KCNB2: variants seen among roughly 807,000 people sequenced by gnomAD.
KCNB2 encodes potassium voltage-gated channel subfamily B member 2.
KCNB2 carries 15 observed loss-of-function variants against 61.5 expected under a neutral mutation model. The observed-to-expected ratio is 0.24, with a 90% CI of 0.16 to 0.38. The LOEUF (loss-of-function observed/expected upper bound fraction) is 0.38. KCNB2 is among the 10% of genes least tolerant of loss of function. The probability of loss-of-function intolerance (pLI) is 1.00; values close to 1 mark genes in which losing one functional copy is unlikely to be tolerated. For synonymous variants in KCNB2, 457 were observed against 446.0 expected (o/e 1.02, Z -0.31); for missense variants, 828 against 1,125.2 (o/e 0.74, Z 3.78).
At chr8:72,873,523 T>C (rs1231036488) in intron 2 of KCNB2, among the ~76,000 whole-genome samples, 1 of 152,224 alleles carries the variant, frequency 6.6e-6, no homozygotes, top group Non-Finnish European at 1.5e-5. Flanking sequence ...GTGATGTACA[T>C]GAAAGTGCCT....
At chr8:72,812,573 C>G (rs373395594) in intron 2 of KCNB2, among the ~76,000 whole-genome samples, 9 of 152,076 alleles carry the variant, frequency 5.9e-5, no homozygotes, top group South Asian at 2.1e-4. Flanking sequence ...TCAATTCTTA[C>G]TTTAAATCAT....
At chr8:72,641,543 A>G (rs1806055502) in intron 2 of KCNB2, among the ~76,000 whole-genome samples, 1 of 152,078 alleles carries the variant, frequency 6.6e-6, no homozygotes, top group Non-Finnish European at 1.5e-5. Flanking sequence ...AATTAATGAA[A>G]CTAGATAACT....
intron 2 of KCNB2, among the ~76,000 whole-genome samples, chr8:72,721,798 A>G (rs1025089764): frequency 6.6e-6 from 1 of 152,162 alleles, no homozygotes; most frequent in Non-Finnish European, 1.5e-5. Flanking sequence ...AAAAGCAAAC[A>G]TGCACCTTCC....
At position 72,645,094 on chromosome 8, in the gene KCNB2, A is replaced by C. The variant is rs1022781761; in HGVS notation, c.579+76781A>C. ...TGGAATATAATTGAGCCACAGCTCC[A>C]TGATGCAGTCCATTGCCAATGAGCA... On this transcript the variant is annotated intron_variant, in intron 2 of 2. Transcript: ENST00000523207. 9.9e-5 allele frequency among the ~76,000 whole-genome samples: 15 copies of C among 152,274 alleles called. No individual in the cohort carries two copies. The Middle Eastern group carries it at 0.017, about 173-fold the overall frequency.
Position 72,759,458 on chromosome 8 carries a change from A to G in KCNB2, c.580-176477A>G, listed in dbSNP as rs373367428. 3.3e-5 allele frequency among the ~76,000 whole-genome samples: 5 copies of G among 152,286 alleles called. No individual in the cohort carries two copies. In the East Asian group the frequency reaches 5.8e-4, roughly 18 times the overall value. Reference sequence around the variant, plus strand: ...TTAATAGGTGGCCATCAGAATTAAAATTTGGTTCTCTGCTCCAACTCTGCT... The same window carrying G: ...TTAATAGGTGGCCATCAGAATTAAAGTTTGGTTCTCTGCTCCAACTCTGCT... On this transcript the variant is annotated intron_variant, in intron 2 of 2. Coordinates refer to ENST00000523207, the MANE Select transcript of KCNB2 (RefSeq NM_004770.3).
intron 2 of KCNB2, among the ~76,000 whole-genome samples, chr8:72,599,721 ATC>A (rs1289931563): frequency 6.6e-6 from 1 of 152,198 alleles, no homozygotes; most frequent in East Asian, 1.9e-4. Flanking sequence ...AATATCCAGA[ATC>A]TACAAAGAAC....
intron 1 of KCNB2, among the ~76,000 whole-genome samples, chr8:72,540,053 C>T (rs1267884719): frequency 3.9e-5 from 6 of 152,174 alleles, no homozygotes; most frequent in Non-Finnish European, 8.8e-5. Flanking sequence ...TGCAAGTCTG[C>T]AGAGCATCTT....
At chr8:72,825,812 C>T (rs528249570) in intron 2 of KCNB2, among the ~76,000 whole-genome samples, 1 of 152,312 alleles carries the variant, frequency 6.6e-6, no homozygotes, top group South Asian at 2.1e-4. Flanking sequence ...TTATCACACA[C>T]ATGATTTGCT....
At chr8:72,666,273 C>A (rs1806470522) in intron 2 of KCNB2, among the ~76,000 whole-genome samples, 1 of 152,166 alleles carries the variant, frequency 6.6e-6, no homozygotes, top group Admixed American at 6.5e-5. Context: ...ATACCATCTG[C>A]CTACATGAGC....
chr8:72,722,319 G>A (rs1172005088), intron 2 of KCNB2, among the ~76,000 whole-genome samples: 1 of 152,164 alleles, frequency 6.6e-6, no homozygotes, highest in East Asian at 1.9e-4. Context: ...CTTTCAAATG[G>A]TTGGATGGCT....
intron 2 of KCNB2, among the ~76,000 whole-genome samples, chr8:72,714,305 G>C (rs1219213533): frequency 2.0e-5 from 3 of 152,124 alleles, no homozygotes; most frequent in Admixed American, 2.0e-4. Context: ...AGGAAATACA[G>C]AGAATGCCAC....
intron 2 of KCNB2, among the ~76,000 whole-genome samples, chr8:72,735,160 A>C (rs73309902): frequency 6.6e-6 from 1 of 152,094 alleles, no homozygotes; most frequent in Admixed American, 6.6e-5. Flanking sequence ...AGACTCCCCA[A>C]TCCACCGTCT....
rs1362201207 is a variant in KCNB2, at chr8:72,567,951, C to T, written c.217C>T (p.Leu73Phe). The change falls in exon 2 of 3, where the codon CTC becomes TTC. Residue 73 changes from leucine (L) to phenylalanine (F), a missense_variant. By Grantham distance (22) the Leu-to-Phe change is conservative (BLOSUM62 0). Coordinates refer to ENST00000523207, the MANE Select transcript of KCNB2 (RefSeq NM_004770.3). Reference protein sequence around the residue: ...KLRDCNTHESLLEVCDDYNLN... With the variant: ...KLRDCNTHESFLEVCDDYNLN... ...TCGAGACTGCAACACACACGAGAGC[C>T]TCCTGGAAGTGTGCGACGACTATAA... The T allele has an allele frequency of 1.2e-6, 2 of 1,613,904 alleles. No homozygotes were observed. Among genetic ancestry groups the T allele is most frequent in the Middle Eastern group, 1.7e-4 (1 of 6,058 alleles).
chr8:72,682,504 T>A (rs1473561166), intron 2 of KCNB2, among the ~76,000 whole-genome samples: 1 of 151,840 alleles, frequency 6.6e-6, no homozygotes, highest in African/African-American at 2.4e-5. Flanking sequence ...CATATTTGAT[T>A]GGGGCTCTTT....
rs760922089 is a variant in KCNB2 at position 72,937,532 on chromosome 8, C to T, written c.2177C>T (p.Ala726Val). 6.2e-7 allele frequency: 1 copy of T among 1,613,874 alleles called. No individual in the cohort carries two copies. Among genetic ancestry groups the T allele is most frequent in the African/African-American group, 1.3e-5 (1 of 75,006 alleles). ...KVNFKENRGSAPQTPPSTARP... is the reference protein window; with the variant it reads ...KVNFKENRGSVPQTPPSTARP... ...AACTTTAAGGAAAATAGAGGCAGTG[C>T]ACCACAGACCCCGCCCAGCACAGCC... The change falls in exon 3 of 3, where the codon GCA becomes GTA. Residue 726 changes from alanine to valine, a missense_variant. Ala to Val is a moderately conservative substitution (Grantham distance 64). Coordinates refer to ENST00000523207, the MANE Select transcript of KCNB2 (RefSeq NM_004770.3).
At position 72,706,021 on chromosome 8, in the gene KCNB2, C is replaced by T. The variant is rs192643088; in HGVS notation, c.579+137708C>T. 8.3e-4 allele frequency among the ~76,000 whole-genome samples: 126 copies of T among 152,292 alleles called. 1 individual carries two copies. The highest frequency in any genetic ancestry group is 3.1e-3 in the Admixed American group (47 of 15,304). On this transcript the variant is annotated intron_variant, in intron 2 of 2. Transcript: ENST00000523207. ...AGGCCCATTCCTAGATCTGAGGCTC[C>T]TCTATTAGAAGGAGCCAACAGCAGA...
At chr8:72,611,958 A>C (rs112123828) in intron 2 of KCNB2, among the ~76,000 whole-genome samples, 1 of 152,128 alleles carries the variant, frequency 6.6e-6, no homozygotes, top group East Asian at 1.9e-4. Flanking sequence ...GAAACATGTT[A>C]AAAAAATCCT....
chr8:72,627,798 A>T (rs62518087), intron 2 of KCNB2, among the ~76,000 whole-genome samples: 5 of 152,350 alleles, frequency 3.3e-5, no homozygotes, highest in Non-Finnish European at 7.3e-5. Flanking sequence ...CAGCCTTTTG[A>T]CACTCACTTC....
At chr8:72,906,953 G>A (rs185057828) in intron 2 of KCNB2, among the ~76,000 whole-genome samples, 93 of 152,272 alleles carry the variant, frequency 6.1e-4, no homozygotes, top group African/African-American at 2.2e-3. Context: ...TATTTGCTTG[G>A]AAGTAAAAAT....
Sources: allele counts gnomAD v4.1 joint callset (sites outside exome capture counted in the v4.1 genomes callset), GRCh38; gene constraint gnomAD v4.1.1; transcripts MANE v1.5; gene names NCBI Gene and HGNC (gene_info 2026-07-23, HGNC 2026-07-21).